SFMBT2: variants seen among roughly 807,000 people sequenced by gnomAD.
SFMBT2 encodes scm-like with four MBT domains protein 2.
A neutral mutation model predicts 110.1 loss-of-function variants in SFMBT2; 38 were observed. The observed-to-expected ratio is 0.35, with a 90% CI of 0.27 to 0.45. SFMBT2 has a LOEUF of 0.45. Ranked by LOEUF, SFMBT2 falls within the 20% of genes least tolerant of loss-of-function variation. The probability of loss-of-function intolerance (pLI) is 1.00; values close to 1 mark genes in which losing one functional copy is unlikely to be tolerated. For synonymous variants in SFMBT2, 425 were observed against 425.4 expected, an observed-to-expected ratio of 1.00 and a Z score of 0.01; for missense variants, 1,011 against 1,094.9, an observed-to-expected ratio of 0.92 and a Z score of 1.08.
chr10:7,211,134 C>A (rs1184153771), intron 11 of SFMBT2, among the ~76,000 whole-genome samples: 1 of 152,044 alleles, frequency 6.6e-6, no homozygotes, highest in Non-Finnish European at 1.5e-5. Context: ...AGCTCCAGAG[C>A]CTTAGAAAGC....
chr10:7,326,008 T>A (rs977315228), intron 4 of SFMBT2, among the ~76,000 whole-genome samples: 1 of 152,234 alleles, frequency 6.6e-6, no homozygotes, highest in African/African-American at 2.4e-5. Context: ...ACAAGAATAG[T>A]CATACGTAAA....
At chr10:7,315,076 G>GAAAGAA (rs1842965478) in intron 4 of SFMBT2, among the ~76,000 whole-genome samples, 2 of 144,150 alleles carry the variant, frequency 1.4e-5, no homozygotes, top group East Asian at 1.9e-4. Context: ...AAGAAAGAAA[G>GAAAGAA]AAAGAAAGAA....
At chr10:7,341,304 G>C (rs1214622902) in intron 4 of SFMBT2, among the ~76,000 whole-genome samples, 1 of 152,136 alleles carries the variant, frequency 6.6e-6, no homozygotes, top group Non-Finnish European at 1.5e-5. Context: ...CAGCTATTCA[G>C]TAACACAAAG....
Position 7,335,904 on chromosome 10 carries a change from C to A in SFMBT2, c.436+31745G>T, listed in dbSNP as rs547581564. On this transcript the variant is annotated intron_variant, in intron 4 of 20. Coordinates refer to ENST00000397167, the MANE Select transcript of SFMBT2 (RefSeq NM_001387889.1). ...CTCAAAATATTTTTGTCACTAATAC[C>A]ATATGGCATGATGTATAACTAAGGC... Among the ~76,000 whole-genome samples the A allele has an allele frequency of 2.3e-4, 35 of 152,096 alleles. No homozygotes were observed. In the South Asian group the frequency reaches 6.9e-3, roughly 30 times the overall value.
At chr10:7,264,112 T>A (rs1327263512) in intron 7 of SFMBT2, 2 of 244,142 alleles carry the variant, frequency 8.2e-6, no homozygotes, top group East Asian at 3.5e-4. Context: ...ATTTCTTTCT[T>A]GGTTTGTGTG....
intron 2 of SFMBT2, among the ~76,000 whole-genome samples, chr10:7,377,619 G>A (rs2892431): frequency 0.25 from 38,646 of 151,982 alleles, 5,169 homozygotes; most frequent in South Asian, 0.42. Context: ...CATAAGGACC[G>A]TGCAACCTAG....
intron 4 of SFMBT2, among the ~76,000 whole-genome samples, chr10:7,323,134 TTATGGTGAAA>T: frequency 6.6e-6 from 1 of 152,230 alleles, no homozygotes; most frequent in East Asian, 1.9e-4. Context: ...TAACTATGAT[TTATGGTGAAA>T]TATACATGCA....
intron 7 of SFMBT2, among the ~76,000 whole-genome samples, 176 bp from the exon 8 acceptor site, chr10:7,248,825 G>A (rs1840706739): frequency 6.6e-6 from 1 of 152,158 alleles, no homozygotes. Context: ...ATTATTTTCT[G>A]CAGGCTAAAT....
intron 4 of SFMBT2, among the ~76,000 whole-genome samples, chr10:7,344,827 C>T (rs1394600973): frequency 2.0e-5 from 3 of 151,646 alleles, no homozygotes; most frequent in African/African-American, 4.8e-5. Flanking sequence ...GGCACAGTGG[C>T]GGGTGCCTGT....
intron 4 of SFMBT2, among the ~76,000 whole-genome samples, chr10:7,325,312 C>A (rs1843348056): frequency 6.6e-6 from 1 of 152,106 alleles, no homozygotes; most frequent in African/African-American, 2.4e-5. Flanking sequence ...GGGGCTTCAA[C>A]ATAGGAATTT....
chr10:7,238,065 C>T (rs1424666373), intron 9 of SFMBT2, among the ~76,000 whole-genome samples: 1 of 152,132 alleles, frequency 6.6e-6, no homozygotes, highest in Non-Finnish European at 1.5e-5. Context: ...GCTGTTGCCA[C>T]AGTCTTGACT....
intron 4 of SFMBT2, among the ~76,000 whole-genome samples, chr10:7,361,651 T>G (rs1020622403): frequency 1.3e-5 from 2 of 152,242 alleles, no homozygotes; most frequent in African/African-American, 2.4e-5. Context: ...AATTGAGTAA[T>G]TCTGCCAAGA....
intron 11 of SFMBT2, among the ~76,000 whole-genome samples, chr10:7,209,769 G>A (rs1358830026): frequency 1.3e-5 from 2 of 152,372 alleles, no homozygotes; most frequent in East Asian, 1.9e-4. Context: ...GCTGGAGGCC[G>A]GGGCACAGGA....
At chr10:7,254,429 G>T (rs1840928136) in intron 7 of SFMBT2, among the ~76,000 whole-genome samples, 3 of 152,136 alleles carry the variant, frequency 2.0e-5, no homozygotes, top group Non-Finnish European at 2.9e-5. Flanking sequence ...TTTACTTCTA[G>T]CATATAAAAA....
chr10:7,360,435 C>T (rs907002957), intron 4 of SFMBT2, among the ~76,000 whole-genome samples: 46 of 151,778 alleles, frequency 3.0e-4, no homozygotes, highest in African/African-American at 1.0e-3. Flanking sequence ...CCACTACATT[C>T]CAGACTGGAA....
chr10:7,208,202 G>T (rs748053985), intron 11 of SFMBT2, among the ~76,000 whole-genome samples: 1 of 152,054 alleles, frequency 6.6e-6, no homozygotes, highest in Non-Finnish European at 1.5e-5. Context: ...GAAGGGTGTG[G>T]GATTGATTCC....
At chr10:7,396,695 C>T (rs1845934770) in intron 1 of SFMBT2, among the ~76,000 whole-genome samples, 1 of 151,868 alleles carries the variant, frequency 6.6e-6, no homozygotes, top group Non-Finnish European at 1.5e-5. Flanking sequence ...TGTGCATATA[C>T]ACCATGGAAT....
chr10:7,368,308 G>A (rs1308574207), intron 3 of SFMBT2: 1 of 983,982 alleles, frequency 1.0e-6, no homozygotes, highest in Non-Finnish European at 1.2e-6. Flanking sequence ...ACATGATAGG[G>A]GCTATTCCAT....
rs57497418 is a variant in SFMBT2 at position 7,179,391 on chromosome 10, G to GAA, written c.1809-3228_1809-3227dup. On this transcript the variant is annotated intron_variant, in intron 16 of 20. Transcript: ENST00000397167. ...TGCTTATTGCTTTTGTTGCATTTTC[G>GAA]AAAAAAAAAAAAAAAAAAAAAAAAA... 1.6e-3 allele frequency among the ~76,000 whole-genome samples: 112 copies of GAA among 70,314 alleles called. 4 individuals are homozygous for GAA. The highest frequency in any genetic ancestry group is 3.2e-3 in the African/African-American group (60 of 18,966). The allele number at this position is 70,314 out of a possible 152,430, so 46.1% of individuals were successfully genotyped here. A position where few individuals can be genotyped will look rare whatever the true frequency, so the allele number is the denominator to read the frequency against.
Sources: gnomAD v4.1 joint callset for allele counts (sites outside exome capture counted in the v4.1 genomes callset) on GRCh38, gnomAD v4.1.1 for gene constraint, MANE v1.5 for transcripts, NCBI Gene and HGNC (gene_info 2026-07-23, HGNC 2026-07-21) for gene names.